Variants in CACNB4 observed in about 807,000 individuals in gnomAD.
The protein encoded by CACNB4 is voltage-dependent L-type calcium channel subunit beta-4.
CACNB4 carries 32 observed loss-of-function variants against 71.2 expected under a neutral mutation model. That is an observed-to-expected ratio of 0.45 (90% CI 0.34 to 0.60). The LOEUF is 0.60. CACNB4 is among the 20% of genes least tolerant of loss of function. The pLI is 0.01. For missense variants in CACNB4, 464 were observed against 647.9 expected (o/e 0.72, Z 3.08); for synonymous variants, 231 against 236.9 (o/e 0.97, Z 0.23).
intron 8 of CACNB4, chr2:151,869,914 G>A (rs967556842): frequency 5.7e-5 from 22 of 387,558 alleles, no homozygotes; most frequent in South Asian, 2.6e-4. Flanking sequence ...TTAATGTCAC[G>A]TTCTACCTAT....
chr2:152,008,853 T>C (rs987776934), intron 2 of CACNB4, among the ~76,000 whole-genome samples: 206 of 152,242 alleles, frequency 1.4e-3, no homozygotes, highest in African/African-American at 4.7e-3. Flanking sequence ...ATCTGCATTT[T>C]AACAAGATCT....
intron 2 of CACNB4, among the ~76,000 whole-genome samples, chr2:151,961,703 C>A (rs2099869696): frequency 6.6e-6 from 1 of 151,964 alleles, no homozygotes; most frequent in Non-Finnish European, 1.5e-5. Context: ...TCAGCCTGGG[C>A]AACACAGTGA....
intron 2 of CACNB4, among the ~76,000 whole-genome samples, chr2:151,945,684 C>T (rs531856093): frequency 3.3e-5 from 5 of 151,838 alleles, no homozygotes; most frequent in South Asian, 2.1e-4. Context: ...TTTAAAATGG[C>T]GATAATGTTA....
In CACNB4 at chr2:151,872,398, G is replaced by A; in HGVS notation, c.598+19C>T. The stretch of plus-strand genomic sequence containing the variant: ...AAAGGAATACAGTGTATGAAAAAGA[G>A]TTTAACTACAACCCTCACCTGTTGA... On this transcript the variant is annotated intron_variant, in intron 6 of 13. Transcript: ENST00000539935. 1 of 1,448,366 alleles carries A rather than the reference G, an allele frequency of 6.9e-7. No individual in the cohort carries two copies. The highest frequency in any genetic ancestry group is 9.6e-7 in the Non-Finnish European group (1 of 1,038,750). 89.7% of individuals were successfully genotyped at this position (1,448,366 alleles called of 1,614,324 possible). A position where few individuals can be genotyped will look rare whatever the true frequency, so the allele number is the denominator to read the frequency against.
At chr2:151,874,850 T>C (rs1042746861) in intron 5 of CACNB4, 4 of 397,294 alleles carry the variant, frequency 1.0e-5, no homozygotes, top group African/African-American at 4.1e-5. Context: ...CTTGTGTTCC[T>C]GGGACCTTTA....
At chr2:151,972,773 T>C (rs953070192) in intron 2 of CACNB4, 3 of 152,032 alleles carry the variant, frequency 2.0e-5, no homozygotes, top group African/African-American at 7.3e-5. Flanking sequence ...CACACTCCTG[T>C]TTCAAATGTA....
At chr2:151,870,239 C>T (rs999463278) in intron 8 of CACNB4, 14 of 702,558 alleles carry the variant, frequency 2.0e-5, no homozygotes, top group Non-Finnish European at 3.4e-5. Flanking sequence ...CAGATAAAGT[C>T]CTTTTCTTTG....
At chr2:151,916,718 G>A (rs1008746416) in intron 2 of CACNB4, among the ~76,000 whole-genome samples, 1 of 152,220 alleles carries the variant, frequency 6.6e-6, no homozygotes, top group Non-Finnish European at 1.5e-5. Context: ...CTACTATTCT[G>A]GTGCAAAGCA....
chr2:151,845,095 C>T (rs188090250), intron 12 of CACNB4, among the ~76,000 whole-genome samples: 19 of 152,222 alleles, frequency 1.2e-4, no homozygotes, highest in Admixed American at 9.2e-4. Context: ...TCTACTTGGC[C>T]GTTCTACTTG....
At chr2:151,878,627 A>AATTAGCTAGTGTAGT (rs1415967978) in intron 4 of CACNB4, among the ~76,000 whole-genome samples, 1 of 9,270 alleles carries the variant, frequency 1.1e-4, no homozygotes, top group Non-Finnish European at 3.7e-3. Flanking sequence ...TGTACTACAC[A>AATTAGCTAGTGTAGT]ATACTACACC....
chr2:152,004,018 C>T (rs1682579793), intron 2 of CACNB4, among the ~76,000 whole-genome samples: 1 of 152,110 alleles, frequency 6.6e-6, no homozygotes, highest in South Asian at 2.1e-4. Flanking sequence ...GACAGGATCT[C>T]GTTGTTACCC....
chr2:151,877,502 A>G (rs1281130646), intron 4 of CACNB4, among the ~76,000 whole-genome samples: 2 of 152,202 alleles, frequency 1.3e-5, no homozygotes, highest in African/African-American at 4.8e-5. Context: ...ATGTAACTGG[A>G]ACTCTGGAAG....
At chr2:151,912,675 C>G (rs775336890) in intron 2 of CACNB4, among the ~76,000 whole-genome samples, 10 of 151,992 alleles carry the variant, frequency 6.6e-5, no homozygotes, top group Non-Finnish European at 1.5e-4. Context: ...TAGATGTCTA[C>G]TAGGTCCACT....
intron 2 of CACNB4, among the ~76,000 whole-genome samples, chr2:152,032,962 A>T (rs12616066): frequency 0.63 from 95,291 of 152,190 alleles, 31,929 homozygotes; most frequent in East Asian, 0.86. Context: ...TCTTAAAAAA[A>T]AAATAAATAA....
intron 2 of CACNB4, among the ~76,000 whole-genome samples, chr2:152,072,773 TG>T (rs1480629524): frequency 6.6e-6 from 1 of 151,896 alleles, no homozygotes; most frequent in African/African-American, 2.4e-5. Context: ...CCCAAGTAGC[TG>T]GGACTACAGG....
chr2:152,034,131 G>A (rs886800935), intron 2 of CACNB4, among the ~76,000 whole-genome samples: 16 of 152,202 alleles, frequency 1.1e-4, no homozygotes, highest in African/African-American at 3.9e-4. Flanking sequence ...AGAGCAAGAT[G>A]GACTCGGAGT....
At chr2:152,054,474 T>C (rs1685623775) in intron 2 of CACNB4, among the ~76,000 whole-genome samples, 1 of 152,036 alleles carries the variant, frequency 6.6e-6, no homozygotes, top group East Asian at 1.9e-4. Context: ...TATCCACTCA[T>C]CAACTGATGA....
intron 10 of CACNB4, 28 bp from the exon 11 acceptor site, chr2:151,855,403 C>T (rs757907128): frequency 4.4e-5 from 67 of 1,517,284 alleles, no homozygotes; most frequent in Non-Finnish European, 5.7e-5. Context: ...AAATAGATCC[C>T]GGTTATTGTT....
intron 2 of CACNB4, chr2:151,970,682 T>C (rs989097560): frequency 6.6e-6 from 1 of 152,206 alleles, no homozygotes; most frequent in Non-Finnish European, 1.5e-5. Flanking sequence ...GCAGCTAATG[T>C]AGGAAGAGTC....
Sources: gnomAD v4.1 joint callset for allele counts (sites outside exome capture counted in the v4.1 genomes callset) on GRCh38, gnomAD v4.1.1 for gene constraint, MANE v1.5 for transcripts, NCBI Gene and HGNC (gene_info 2026-07-23, HGNC 2026-07-21) for gene names.